The following BICC1 variants were observed in gnomAD, a reference collection of about 807,000 sequenced individuals.
The protein encoded by BICC1 is BicC family RNA binding protein 1, also known as protein bicaudal C homolog 1.
BICC1 carries 43 observed loss-of-function variants against 111.0 expected under a neutral mutation model. The observed-to-expected ratio is 0.39, with a 90% CI of 0.30 to 0.50. BICC1 has a LOEUF of 0.50. BICC1 is among the 20% of genes least tolerant of loss of function. BICC1 has a pLI of 0.88. For missense variants in BICC1, 1,091 were observed against 1,203.2 expected, an observed-to-expected ratio of 0.91 and a Z score of 1.38; for synonymous variants, 467 against 434.4, an observed-to-expected ratio of 1.07 and a Z score of -0.93.
chr10:58,826,897 G>A (rs112633021), intron 20 of BICC1, among the ~76,000 whole-genome samples: 23 of 152,336 alleles, frequency 1.5e-4, no homozygotes, highest in Non-Finnish European at 2.5e-4. Flanking sequence ...TTGAGCCTTG[G>A]AGGGAAAAGA....
chr10:58,710,783 G>A (rs1158790106), intron 3 of BICC1, among the ~76,000 whole-genome samples: 1 of 152,186 alleles, frequency 6.6e-6, no homozygotes, highest in African/African-American at 2.4e-5. Context: ...ATCTTCGAAA[G>A]TACTGTTTGT....
Position 58,746,075 on chromosome 10 carries a change from T to G in BICC1, c.308-38926T>G, listed in dbSNP as rs562454606. On this transcript the variant is annotated intron_variant, in intron 3 of 20. Transcript: ENST00000373886. ...TTTTTGCAGCCACAAAGAAGTAATT[T>G]ATTTGTCATATTTTTGTAGCAATCC... 2.0e-5 allele frequency among the ~76,000 whole-genome samples: 3 copies of G among 152,280 alleles called. No homozygotes were observed. The East Asian group carries it at 5.8e-4, about 29-fold the overall frequency.
At position 58,645,745 on chromosome 10, in the gene BICC1, C is replaced by T. The variant is rs1020730535; in HGVS notation, c.237+24844C>T. Among the ~76,000 whole-genome samples, 28 of 152,320 alleles carry T rather than the reference C, an allele frequency of 1.8e-4. 1 individual carries two copies. The highest frequency in any genetic ancestry group is 1.4e-3 in the Admixed American group (22 of 15,308). ...AGGAGGCCAGTTGACTAACTTTAAA[C>T]GAAGGCACATTGTCCAAGATTGTGG... is the stretch of plus-strand genomic sequence containing the variant. On this transcript the variant is annotated intron_variant, in intron 2 of 20. Transcript: ENST00000373886.
chr10:58,708,133 C>T (rs1282847725), intron 3 of BICC1, among the ~76,000 whole-genome samples: 1 of 149,058 alleles, frequency 6.7e-6, no homozygotes, highest in East Asian at 2.0e-4. Flanking sequence ...TGTGAGCCAC[C>T]GCGCCTAGCC....
chr10:58,535,288 G>C (rs1842796163), intron 1 of BICC1, among the ~76,000 whole-genome samples: 1 of 151,726 alleles, frequency 6.6e-6, no homozygotes, highest in South Asian at 2.1e-4. Flanking sequence ...ATAGTCATCA[G>C]ATTATCTAAA....
chr10:58,598,100 G>T (rs984411653), intron 1 of BICC1, among the ~76,000 whole-genome samples: 26 of 152,078 alleles, frequency 1.7e-4, no homozygotes, highest in Non-Finnish European at 2.6e-4. Flanking sequence ...CACAATTTAT[G>T]TTCCTCTGCT....
At chr10:58,665,268 T>C (rs1435422305) in intron 2 of BICC1, among the ~76,000 whole-genome samples, 4 of 152,204 alleles carry the variant, frequency 2.6e-5, no homozygotes, top group Non-Finnish European at 4.4e-5. Context: ...AGATCAATTT[T>C]AATAGTATCT....
At chr10:58,752,680 A>G (rs546669260) in intron 3 of BICC1, among the ~76,000 whole-genome samples, 3 of 152,318 alleles carry the variant, frequency 2.0e-5, no homozygotes, top group African/African-American at 7.2e-5. Flanking sequence ...TTTCAAGAGC[A>G]CATCTGCCCT....
chr10:58,523,862 G>T (rs1842459246), intron 1 of BICC1, among the ~76,000 whole-genome samples: 1 of 152,098 alleles, frequency 6.6e-6, no homozygotes, highest in African/African-American at 2.4e-5. Flanking sequence ...AAAGTCTTAG[G>T]ATACAAAATG....
At chr10:58,599,263 A>G (rs1324970723) in intron 1 of BICC1, among the ~76,000 whole-genome samples, 2 of 152,206 alleles carry the variant, frequency 1.3e-5, no homozygotes, top group East Asian at 1.9e-4. Context: ...ATGTACCTCA[A>G]TAATAGACTG....
chr10:58,681,697 C>T (rs946558745), intron 2 of BICC1, among the ~76,000 whole-genome samples: 3 of 151,974 alleles, frequency 2.0e-5, no homozygotes, highest in Admixed American at 6.6e-5. Context: ...AGAACGAAGC[C>T]GTGGACCCTC....
At chr10:58,640,826 A>G (rs1425174741) in intron 2 of BICC1, among the ~76,000 whole-genome samples, 1 of 152,242 alleles carries the variant, frequency 6.6e-6, no homozygotes, top group Non-Finnish European at 1.5e-5. Context: ...GAAGGGACCT[A>G]TTACATGGTG....
rs1842131895 is a variant in BICC1, at chr10:58,512,958, G to A, written c.-186G>A. ...ACCCGGGGTGGCGGGTGGCGTGGGC[G>A]GCGCCCGGGGCTGGGATGCGCCGGG... On this transcript the variant is annotated 5_prime_UTR_variant, in exon 1 of 21. Coordinates refer to ENST00000373886, the MANE Select transcript of BICC1 (RefSeq NM_001080512.3). Among the ~76,000 whole-genome samples the A allele has an allele frequency of 2.7e-5, 4 of 147,656 alleles. No individual in the cohort carries two copies. The South Asian group carries it at 8.3e-4, about 31-fold the overall frequency.
intron 11 of BICC1, 117 bp downstream of exon 11, chr10:58,798,677 C>A: frequency 1.1e-6 from 1 of 923,724 alleles, no homozygotes. Context: ...AAAGCATACT[C>A]CATTGAAACA....
chr10:58,810,912 G>C (rs1241879156), intron 17 of BICC1, among the ~76,000 whole-genome samples: 4 of 152,152 alleles, frequency 2.6e-5, no homozygotes, highest in African/African-American at 7.2e-5. Flanking sequence ...ACAGGTGAGG[G>C]CTGCTCACTC....
chr10:58,604,652 G>GA (rs1197982728), intron 1 of BICC1, among the ~76,000 whole-genome samples: 3 of 152,078 alleles, frequency 2.0e-5, no homozygotes, highest in African/African-American at 4.8e-5. Flanking sequence ...CAGAGCGGGG[G>GA]AAAAAATAAA....
chr10:58,713,214 T>G (rs1422857183), intron 3 of BICC1, among the ~76,000 whole-genome samples: 1 of 152,182 alleles, frequency 6.6e-6, no homozygotes, highest in Non-Finnish European at 1.5e-5. Context: ...TTTCTTAGCT[T>G]GCCTGACTCT....
At chr10:58,822,404 G>A (rs922043695) in intron 20 of BICC1, among the ~76,000 whole-genome samples, 1 of 152,110 alleles carries the variant, frequency 6.6e-6, no homozygotes, top group Non-Finnish European at 1.5e-5. Context: ...GAATATATCA[G>A]TATCTTTTGG....
chr10:58,692,628 TGTTAA>T (rs1205299798), intron 2 of BICC1, among the ~76,000 whole-genome samples: 1 of 152,192 alleles, frequency 6.6e-6, no homozygotes, highest in Admixed American at 6.5e-5. Context: ...TGTAAAAACT[TGTTAA>T]GTTCGAATAG....
Sources: gnomAD v4.1 joint callset for allele counts (sites outside exome capture counted in the v4.1 genomes callset) on GRCh38, gnomAD v4.1.1 for gene constraint, MANE v1.5 for transcripts, NCBI Gene and HGNC (gene_info 2026-07-23, HGNC 2026-07-21) for gene names.